Variants in FLACC1 observed in about 807,000 individuals in gnomAD.
The protein encoded by FLACC1 is flagellum associated containing coiled-coil domains 1, also known as flagellum-associated coiled-coil domain-containing protein 1.
A neutral mutation model predicts 62.8 loss-of-function variants in FLACC1; 66 were observed. The ratio of observed to expected loss-of-function variants is 1.05; its 90% CI spans 0.86 to 1.29. FLACC1 has a LOEUF of 1.29. Ranked by LOEUF, FLACC1 falls within the 50% of genes most tolerant of loss-of-function variation. The pLI, the probability that FLACC1 is intolerant of heterozygous loss-of-function variation, is 0.00. For missense variants in FLACC1, 452 were observed against 489.1 expected, an observed-to-expected ratio of 0.92 and a Z score of 0.71; for synonymous variants, 156 against 161.0, an observed-to-expected ratio of 0.97 and a Z score of 0.24.
At chr2:201,322,662 T>C (rs536652013) in intron 9 of FLACC1, among the ~76,000 whole-genome samples, 1 of 152,130 alleles carries the variant, frequency 6.6e-6, no homozygotes, top group South Asian at 2.1e-4. Flanking sequence ...GAAAAGGAAC[T>C]CTGGTAATAT....
Position 201,289,514 on chromosome 2 carries a change from G to A in FLACC1, c.1085C>T (p.Thr362Ile), listed in dbSNP as rs752567043. 1 of 1,614,068 alleles carries A rather than the reference G, an allele frequency of 6.2e-7. No individual in the cohort carries two copies. Among genetic ancestry groups the A allele is most frequent in the African/African-American group, 1.3e-5 (1 of 74,928 alleles). Residue 362 changes from threonine to isoleucine, a missense_variant, in exon 14 of 15, where the codon ACT (threonine) becomes ATT (isoleucine). Physicochemically the swap from Thr to Ile is moderately conservative, Grantham distance 89. Coordinates refer to ENST00000392257, the MANE Select transcript of FLACC1 (RefSeq NM_001127391.3). ...EKMLQTKFAE[T>I]EEKYKHTIQI... Reference sequence around the variant, plus strand: ...TATGGTGTGCTTATACTTTTCTTCAGTTTCAGCAAACTTGGTTTGAAGCAT... The same window carrying A: ...TATGGTGTGCTTATACTTTTCTTCAATTTCAGCAAACTTGGTTTGAAGCAT...
At position 201,289,509 on chromosome 2, in the gene FLACC1, C is replaced by A. The variant is rs149980324; in HGVS notation, c.1090G>T (p.Glu364Ter). Residue 364 changes from glutamate to a stop codon, truncating the protein, a stop_gained, in exon 14 of 15, where the codon GAA (glutamate) becomes TAA (stop). Transcript: ENST00000392257. LOFTEE classifies it high-confidence loss of function. ...MLQTKFAETE[E>*]KYKHTIQILT... ...ATCTGTATGGTGTGCTTATACTTTT[C>A]TTCAGTTTCAGCAAACTTGGTTTGA... 28 of 1,614,070 alleles carry A rather than the reference C, an allele frequency of 1.7e-5. No individual in the cohort carries two copies. Among genetic ancestry groups the A allele is most frequent in the Non-Finnish European group, 2.2e-5 (26 of 1,180,044 alleles).
At chr2:201,303,329 G>C (rs1258163946) in intron 11 of FLACC1, among the ~76,000 whole-genome samples, 1 of 152,072 alleles carries the variant, frequency 6.6e-6, no homozygotes, top group East Asian at 1.9e-4. Context: ...AGAAAATCTA[G>C]AAGAAATGGA....
intron 9 of FLACC1, among the ~76,000 whole-genome samples, chr2:201,324,587 AAGAT>A (rs1950467639): frequency 6.6e-6 from 1 of 152,238 alleles, no homozygotes; most frequent in Non-Finnish European, 1.5e-5. Flanking sequence ...AACAGTCTCT[AAGAT>A]AGGCCATATG....
the FLACC1 span, among the ~76,000 whole-genome samples, chr2:201,362,517 G>A: frequency 6.6e-6 from 1 of 152,238 alleles, no homozygotes; most frequent in Non-Finnish European, 1.5e-5. Context: ...AACAGCCCCA[G>A]TGATGGCATG....
intron 10 of FLACC1, among the ~76,000 whole-genome samples, chr2:201,307,931 A>G (rs1193787703): frequency 1.3e-5 from 2 of 152,220 alleles, no homozygotes; most frequent in Non-Finnish European, 2.9e-5. Flanking sequence ...CCACTATGCT[A>G]TCATGGATAT....
At chr2:201,316,726 C>T (rs1950314561) in intron 9 of FLACC1, among the ~76,000 whole-genome samples, 1 of 152,068 alleles carries the variant, frequency 6.6e-6, no homozygotes, top group East Asian at 1.9e-4. Flanking sequence ...CACCCTAATA[C>T]TAAAAACAGG....
At chr2:201,325,935 C>T (rs966776705) in intron 9 of FLACC1, among the ~76,000 whole-genome samples, 1 of 152,156 alleles carries the variant, frequency 6.6e-6, no homozygotes. Context: ...CAACAAAATA[C>T]TAGCTAACCG....
chr2:201,317,284 G>A (rs1043759398), intron 9 of FLACC1, among the ~76,000 whole-genome samples: 2 of 152,080 alleles, frequency 1.3e-5, no homozygotes, highest in Non-Finnish European at 2.9e-5. Context: ...TGATATAATT[G>A]TATACCTACA....
chr2:201,361,803 G>T (rs994333610), upstream of FLACC1, among the ~76,000 whole-genome samples: 1 of 152,186 alleles, frequency 6.6e-6, no homozygotes. Flanking sequence ...AAGGCAAGAC[G>T]ATCAAATTTT....
chr2:201,356,581 T>C (rs577095734), intron 1 of FLACC1, among the ~76,000 whole-genome samples: 46 of 152,372 alleles, frequency 3.0e-4, no homozygotes, highest in African/African-American at 1.1e-3. Context: ...TGTGAGTGCA[T>C]ATAACCTTAA....
chr2:201,296,588 A>G (rs1027449402), intron 12 of FLACC1, among the ~76,000 whole-genome samples: 1 of 152,198 alleles, frequency 6.6e-6, no homozygotes, highest in Admixed American at 6.5e-5. Context: ...GGTGCAGCAC[A>G]CCAACATGGC....
chr2:201,307,477 G>A, intron 11 of FLACC1, 42 bp downstream of exon 11: 2 of 1,483,036 alleles, frequency 1.3e-6, no homozygotes, highest in Non-Finnish European at 9.4e-7. Flanking sequence ...TGTACCACCT[G>A]GACTACCCAT....
chr2:201,306,536 A>G (rs1244176412), intron 11 of FLACC1, among the ~76,000 whole-genome samples: 2 of 152,240 alleles, frequency 1.3e-5, no homozygotes, highest in Non-Finnish European at 2.9e-5. Flanking sequence ...ATACACAAAA[A>G]TTATTCAAAA....
intron 1 of FLACC1, among the ~76,000 whole-genome samples, 161 bp from the exon 2 acceptor site, chr2:201,351,612 T>C (rs1165660275): frequency 6.6e-6 from 1 of 152,264 alleles, no homozygotes; most frequent in Admixed American, 6.5e-5. Flanking sequence ...AGCTCATCCC[T>C]TTCTACTCAG....
chr2:201,290,323 G>T lies in FLACC1; in HGVS notation c.943-538C>A, dbSNP rs1233703614. Among the ~76,000 whole-genome samples, 4 of 151,226 alleles carry T rather than the reference G, an allele frequency of 2.6e-5. No individual in the cohort carries two copies. The East Asian group carries it at 7.8e-4, about 30-fold the overall frequency. Reference sequence around the variant, plus strand: ...ATGCATCCACATTGGCTCATCAATTGCAACTAATGTGCCATCCCAATGCAA... The same window carrying T: ...ATGCATCCACATTGGCTCATCAATTTCAACTAATGTGCCATCCCAATGCAA... On this transcript the variant is annotated intron_variant, in intron 12 of 14. Coordinates refer to ENST00000392257, the MANE Select transcript of FLACC1 (RefSeq NM_001127391.3).
At chr2:201,328,932 A>G (rs1950543789) in intron 9 of FLACC1, among the ~76,000 whole-genome samples, 1 of 152,090 alleles carries the variant, frequency 6.6e-6, no homozygotes, top group Non-Finnish European at 1.5e-5. Context: ...AATTGAGTAA[A>G]ATGTGCCCTT....
At chr2:201,304,048 C>T (rs1559390735) in intron 11 of FLACC1, among the ~76,000 whole-genome samples, 1 of 152,178 alleles carries the variant, frequency 6.6e-6, no homozygotes, top group Non-Finnish European at 1.5e-5. Flanking sequence ...CTCACCACTC[C>T]TATTCAACAT....
intron 9 of FLACC1, among the ~76,000 whole-genome samples, chr2:201,325,954 A>G (rs898735656): frequency 2.6e-5 from 4 of 152,216 alleles, no homozygotes; most frequent in African/African-American, 9.6e-5. Flanking sequence ...CGACCCCAAT[A>G]GCACATCAAA....
Sources: gnomAD v4.1 joint callset for allele counts (sites outside exome capture counted in the v4.1 genomes callset) on GRCh38, gnomAD v4.1.1 for gene constraint, MANE v1.5 for transcripts, NCBI Gene and HGNC (gene_info 2026-07-23, HGNC 2026-07-21) for gene names.